The following NR3C2 variants were observed in gnomAD, a reference collection of about 807,000 sequenced individuals.
The protein encoded by NR3C2 is nuclear receptor subfamily 3 group C member 2.
In NR3C2, 15 loss-of-function variants were observed where a neutral mutation model predicts 86.4. That is an observed-to-expected ratio of 0.17 (90% CI 0.12 to 0.27). The LOEUF (loss-of-function observed/expected upper bound fraction) is 0.27. NR3C2 is among the 10% of genes least tolerant of loss of function. The probability of loss-of-function intolerance (pLI) is 1.00; values close to 1 mark genes in which losing one functional copy is unlikely to be tolerated. For synonymous variants in NR3C2, 458 were observed against 450.5 expected, an observed-to-expected ratio of 1.02 and a Z score of -0.21; for missense variants, 960 against 1,195.6, an observed-to-expected ratio of 0.80 and a Z score of 2.91.
intron 3 of NR3C2, among the ~76,000 whole-genome samples, chr4:148,238,880 G>C (rs536911596): frequency 6.6e-6 from 1 of 152,310 alleles, no homozygotes; most frequent in East Asian, 1.9e-4. Context: ...AGTCAAGGAA[G>C]CTTCGGCCAC....
At chr4:148,387,085 A>G (rs1747300984) in intron 2 of NR3C2, among the ~76,000 whole-genome samples, 1 of 152,232 alleles carries the variant, frequency 6.6e-6, no homozygotes, top group South Asian at 2.1e-4. Context: ...CTTCTGGTCA[A>G]TGTGATATAA....
At chr4:148,432,683 G>A (rs879320166) in intron 2 of NR3C2, among the ~76,000 whole-genome samples, 2 of 152,096 alleles carry the variant, frequency 1.3e-5, no homozygotes, top group Non-Finnish European at 2.9e-5. Flanking sequence ...TCCCTGAAAT[G>A]AGTTATCATC....
intron 3 of NR3C2, among the ~76,000 whole-genome samples, chr4:148,252,914 A>G (rs916106123): frequency 6.6e-6 from 1 of 152,172 alleles, no homozygotes; most frequent in Admixed American, 6.6e-5. Context: ...ACAAACACAT[A>G]AACTTGGGAA....
intron 2 of NR3C2, among the ~76,000 whole-genome samples, chr4:148,316,087 G>C (rs541508126): frequency 6.6e-6 from 1 of 152,104 alleles, no homozygotes; most frequent in African/African-American, 2.4e-5. Flanking sequence ...CATGACATAG[G>C]ATTTAAGATT....
intron 2 of NR3C2, among the ~76,000 whole-genome samples, chr4:148,344,369 T>A (rs555580428): frequency 6.6e-6 from 1 of 152,150 alleles, no homozygotes; most frequent in African/African-American, 2.4e-5. Flanking sequence ...AGAGACAGGA[T>A]GGCTGAAAAA....
intron 2 of NR3C2, among the ~76,000 whole-genome samples, chr4:148,424,927 C>T (rs1469144435): frequency 6.6e-6 from 1 of 152,146 alleles, no homozygotes; most frequent in Non-Finnish European, 1.5e-5. Flanking sequence ...TAAGTAATCT[C>T]ATTGCGCAGA....
chr4:148,427,664 G>T (rs564139317), intron 2 of NR3C2, among the ~76,000 whole-genome samples: 50 of 152,200 alleles, frequency 3.3e-4, no homozygotes, highest in African/African-American at 1.1e-3. Context: ...CTATGACCCA[G>T]AATGTGGCAT....
chr4:148,141,365 C>T (rs760055922), intron 6 of NR3C2, among the ~76,000 whole-genome samples: 3 of 151,744 alleles, frequency 2.0e-5, no homozygotes, highest in Admixed American at 6.6e-5. Flanking sequence ...ACCCAGGAGG[C>T]GGAGGTTGCA....
intron 2 of NR3C2, among the ~76,000 whole-genome samples, chr4:148,337,841 TTTTG>T (rs1744569440): frequency 2.0e-5 from 3 of 152,186 alleles, no homozygotes; most frequent in African/African-American, 7.2e-5. Flanking sequence ...CACTTTCTGT[TTTTG>T]TTTTTTTGGG....
intron 2 of NR3C2, among the ~76,000 whole-genome samples, chr4:148,266,777 A>C (rs1469608769): frequency 6.6e-6 from 1 of 152,212 alleles, no homozygotes; most frequent in Non-Finnish European, 1.5e-5. Flanking sequence ...CCAGCCAAAG[A>C]AGCTTCTGCA....
At chr4:148,325,155 A>AGTGTGTGTGT (rs57080333) in intron 2 of NR3C2, among the ~76,000 whole-genome samples, 1,731 of 151,438 alleles carry the variant, frequency 0.011, 13 homozygotes, top group African/African-American at 0.028. Flanking sequence ...AGAGAGACAG[A>AGTGTGTGTGT]GTGTGTGTGT....
At chr4:148,380,275 T>A (rs576372049) in intron 2 of NR3C2, among the ~76,000 whole-genome samples, 46 of 152,344 alleles carry the variant, frequency 3.0e-4, no homozygotes, top group African/African-American at 1.1e-3. Context: ...TTATCCATGT[T>A]GTAGCATGTA....
intron 6 of NR3C2, among the ~76,000 whole-genome samples, chr4:148,146,163 C>T (rs1227282771): frequency 6.6e-6 from 1 of 152,088 alleles, no homozygotes; most frequent in African/African-American, 2.4e-5. Context: ...ATCCTACATC[C>T]CTGACTCCTC....
chr4:148,088,509 T>C (rs940695985), intron 8 of NR3C2, among the ~76,000 whole-genome samples: 30 of 152,158 alleles, frequency 2.0e-4, no homozygotes, highest in Admixed American at 1.9e-3. Flanking sequence ...ATGTGGCACA[T>C]ACACACCATG....
chr4:148,137,724 G>A (rs1051849794), intron 6 of NR3C2, among the ~76,000 whole-genome samples: 4 of 152,130 alleles, frequency 2.6e-5, no homozygotes, highest in African/African-American at 9.7e-5. Flanking sequence ...CCCTTTCAAG[G>A]AGTCTGTCAG....
At chr4:148,443,918 G>C (rs72646927), upstream of NR3C2, 171 of 865,632 alleles carry the variant, frequency 2.0e-4, no homozygotes, top group African/African-American at 3.0e-3. Context: ...ACTCCCTGGA[G>C]ATAGGGGCGA....
chr4:148,262,097 G>C (rs941306996), intron 2 of NR3C2, among the ~76,000 whole-genome samples: 1 of 152,146 alleles, frequency 6.6e-6, no homozygotes, highest in Non-Finnish European at 1.5e-5. Flanking sequence ...TCCATACCCT[G>C]TCTGACTCAT....
intron 2 of NR3C2, among the ~76,000 whole-genome samples, chr4:148,414,073 C>T (rs1184208965): frequency 6.6e-6 from 1 of 152,078 alleles, no homozygotes; most frequent in Non-Finnish European, 1.5e-5. Flanking sequence ...TAATAGGGAA[C>T]CAGATAAGCG....
At chr4:148,423,759 G>A (rs958922603) in intron 2 of NR3C2, among the ~76,000 whole-genome samples, 4 of 152,190 alleles carry the variant, frequency 2.6e-5, no homozygotes, top group African/African-American at 9.7e-5. Context: ...CTCGAGTGCA[G>A]TGGCACGATC....
Sources: allele counts gnomAD v4.1 joint callset (sites outside exome capture counted in the v4.1 genomes callset), GRCh38; gene constraint gnomAD v4.1.1; transcripts MANE v1.5; gene names NCBI Gene and HGNC (gene_info 2026-07-23, HGNC 2026-07-21).